Variants in DNAH12 observed in about 807,000 individuals in gnomAD.
The protein encoded by DNAH12 is axonemal beta dynein heavy chain 12.
In DNAH12, 285 loss-of-function variants were observed where a neutral mutation model predicts 371.5. The observed-to-expected ratio is 0.77, with a 90% confidence interval of 0.70 to 0.85. DNAH12 has a LOEUF of 0.85. Ranked by LOEUF, DNAH12 falls within the 40% of genes least tolerant of loss-of-function variation. The pLI is 0.00. For synonymous variants in DNAH12, 1,200 were observed against 1,213.0 expected (o/e 0.99, Z 0.22); for missense variants, 3,611 against 3,689.4 (o/e 0.98, Z 0.55).
At position 57,310,841 on chromosome 3, in the gene DNAH12, A is replaced by G. The variant is rs1488293636; in HGVS notation, c.10772T>C (p.Leu3591Ser). 1 of 1,551,668 alleles carries G rather than the reference A, an allele frequency of 6.4e-7. No homozygotes were observed. The highest frequency in any genetic ancestry group is 1.4e-5 in the African/African-American group (1 of 73,190). Reference protein sequence around the residue: ...VTDDWDRRLLLTMLADFYNLY... With the variant: ...VTDDWDRRLLSTMLADFYNLY... ...ATTATAAAAGTCAGCCAGCATGGTT[A>G]ATAGAAGACGTCTGTCCCAATCGTC... Residue 3591 changes from leucine (L) to serine (S), a missense_variant, in exon 67 of 74, where the codon TTA (leucine) becomes TCA (serine). Coordinates refer to ENST00000495027, the MANE Select transcript of DNAH12 (RefSeq NM_001366028.2).
chr3:57,445,197 G>A lies in DNAH12; in HGVS notation c.4402C>T (p.Pro1468Ser). ...VAAGNLKLKY[P>S]NENEDILLLR... ...ACAAGTATATCTTCATTTTCATTTG[G>A]GTATTTTAGTTTTAGATTGCCAGCA... The change falls in exon 28 of 74, where the codon CCA (proline) becomes TCA (serine). Residue 1468 changes from proline (P) to serine (S), a missense_variant. Transcript: ENST00000495027. 1.3e-6 allele frequency: 2 copies of A among 1,544,734 alleles called. No individual in the cohort carries two copies. The highest frequency in any genetic ancestry group is 2.0e-5 in the Admixed American group (1 of 50,110).
At chr3:57,412,805 T>C (rs2064247883) in intron 39 of DNAH12, among the ~76,000 whole-genome samples, 2 of 152,134 alleles carry the variant, frequency 1.3e-5, no homozygotes, top group African/African-American at 4.8e-5. Flanking sequence ...AGAGAAGACG[T>C]GGAGCAACAC....
intron 12 of DNAH12, among the ~76,000 whole-genome samples, chr3:57,489,196 A>G (rs2067034882): frequency 6.6e-6 from 1 of 152,188 alleles, no homozygotes; most frequent in African/African-American, 2.4e-5. Context: ...GAGGTCAGGG[A>G]TGATCCCAGA....
Position 57,323,546 on chromosome 3 carries a change from A to G in DNAH12, c.10052T>C (p.Leu3351Ser). ...KKFVEPPPFDLTKSYLDSNCT... is the reference protein window; with the variant it reads ...KKFVEPPPFDSTKSYLDSNCT... ...ATTTGAATCCAAGTAACTCTTTGTC[A>G]AATCAAATGGTGGAGGCTCTACAAA... is the stretch of plus-strand genomic sequence containing the variant. Residue 3351 changes from leucine (L) to serine (S), a missense_variant, in exon 63 of 74, where the codon TTG becomes TCG. Physicochemically the swap from Leu to Ser is moderately radical, Grantham distance 145. Coordinates refer to ENST00000495027, the MANE Select transcript of DNAH12 (RefSeq NM_001366028.2). The G allele has an allele frequency of 6.4e-7, 1 of 1,551,122 alleles. No homozygotes were observed. The highest frequency in any genetic ancestry group is 1.2e-5 in the South Asian group (1 of 83,874).
chr3:57,373,324 T>C (rs2153338024), intron 55 of DNAH12, among the ~76,000 whole-genome samples: 1 of 151,846 alleles, frequency 6.6e-6, no homozygotes, highest in Admixed American at 6.6e-5. Flanking sequence ...ACTGATTTTT[T>C]TTTTTTTTTG....
At position 57,438,918 on chromosome 3, in the gene DNAH12, C is replaced by CGAAAAAAAAAAAAAAAAAAAAAAAAA. The variant is rs562343761; in HGVS notation, c.4546-1859_4546-1858insTTTTTTTTTTTTTTTTTTTTTTTTTC. Among the ~76,000 whole-genome samples the CGAAAAAAAAAAAAAAAAAAAAAAAAA allele has an allele frequency of 1.8e-4, 17 of 94,530 alleles. 5 individuals are homozygous for CGAAAAAAAAAAAAAAAAAAAAAAAAA. The highest frequency in any genetic ancestry group is 2.4e-4 in the African/African-American group (6 of 24,946). The allele number at this position is 94,530 out of a possible 152,430, so 62.0% of individuals were successfully genotyped here. A position where few individuals can be genotyped will look rare whatever the true frequency, so the allele number is the denominator to read the frequency against. ...CAACAGAGTGAAACTCTGTCTCAGA[C>CGAAAAAAAAAAAAAAAAAAAAAAAAA]AAAAAAAAAAAAAAGGAAAGCAACT... On this transcript the variant is annotated intron_variant, in intron 29 of 73. Coordinates refer to ENST00000495027, the MANE Select transcript of DNAH12 (RefSeq NM_001366028.2).
upstream of DNAH12, among the ~76,000 whole-genome samples, chr3:57,546,634 A>T (rs2069579560): frequency 6.6e-6 from 1 of 152,226 alleles, no homozygotes; most frequent in Admixed American, 6.5e-5. Flanking sequence ...ATGAGCCACC[A>T]TATCTAGCCT....
In DNAH12 at chr3:57,446,196, C is replaced by CT; in HGVS notation, c.4013_4014insA (p.Ser1339ValfsTer24). ...AAAGGATCTGTTGAGCTACCACTGA[C>CT]AACACTTCCAACTCAATTCGATTGA... On this transcript the variant is annotated frameshift_variant, in exon 27 of 74. Coordinates refer to ENST00000495027, the MANE Select transcript of DNAH12 (RefSeq NM_001366028.2). LOFTEE classifies it high-confidence loss of function. The CT allele has an allele frequency of 1.3e-6, 2 of 1,551,744 alleles. No individual in the cohort carries two copies.
the DNAH12 span, among the ~76,000 whole-genome samples, chr3:57,550,432 T>C: frequency 2.6e-5 from 4 of 152,328 alleles, no homozygotes; most frequent in African/African-American, 9.6e-5. Context: ...CATAAGCCTT[T>C]TATAACCTCT....
chr3:57,301,648 G>C (rs1575418432), intron 70 of DNAH12, 87 bp downstream of exon 70: 2 of 1,460,968 alleles, frequency 1.4e-6, no homozygotes, highest in African/African-American at 2.9e-5. Flanking sequence ...ACATGTGTCT[G>C]TATATTTTAC....
chr3:57,434,186 T>A (rs1259267894), intron 30 of DNAH12, among the ~76,000 whole-genome samples: 1 of 152,236 alleles, frequency 6.6e-6, no homozygotes, highest in Non-Finnish European at 1.5e-5. Context: ...TAGTGTTCTT[T>A]ACCAACTATT....
intron 29 of DNAH12, among the ~76,000 whole-genome samples, chr3:57,443,448 G>T (rs572420560): frequency 1.3e-5 from 2 of 152,084 alleles, no homozygotes; most frequent in African/African-American, 4.8e-5. Context: ...TTTCTATAAC[G>T]GCTATAAGCA....
chr3:57,525,370 A>G (rs1430988935), intron 2 of DNAH12, among the ~76,000 whole-genome samples: 2 of 152,162 alleles, frequency 1.3e-5, no homozygotes, highest in African/African-American at 4.8e-5. Context: ...GATCTTGCAT[A>G]TCTAGTTTGG....
rs184893113 is a variant in DNAH12, at chr3:57,409,029, G to A, written c.6021-494C>T. ...ATATACTAAAACTGGTTATAGCAAT[G>A]TCCTGATTTTTTCTCATCTCAAACT... On this transcript the variant is annotated intron_variant, in intron 39 of 73. Transcript: ENST00000495027. Among the ~76,000 whole-genome samples the A allele has an allele frequency of 6.6e-4, 100 of 152,268 alleles. 1 individual carries two copies. Among genetic ancestry groups the A allele is most frequent in the Middle Eastern group, 3.4e-3 (1 of 294 alleles).
At chr3:57,406,492 C>T (rs376849120) in intron 40 of DNAH12, among the ~76,000 whole-genome samples, 7 of 152,220 alleles carry the variant, frequency 4.6e-5, no homozygotes, top group African/African-American at 9.6e-5. Flanking sequence ...ACTTAATATC[C>T]GATTCCATCC....
chr3:57,307,739 A>C (rs982975498), intron 69 of DNAH12, among the ~76,000 whole-genome samples: 1 of 152,106 alleles, frequency 6.6e-6, no homozygotes, highest in African/African-American at 2.4e-5. Context: ...CTGGCCTCCC[A>C]CATTATTCCT....
chr3:57,301,771 G>A lies in DNAH12; in HGVS notation c.11358C>T (p.Tyr3786=), dbSNP rs199748125. 23 of 1,550,470 alleles carry A rather than the reference G, an allele frequency of 1.5e-5. No homozygotes were observed. Among genetic ancestry groups the A allele is most frequent in the Non-Finnish European group, 1.8e-5 (21 of 1,146,834 alleles). The change falls in exon 70 of 74, where the codon TAC becomes TAT. Residue 3786 remains tyrosine (Y), a synonymous_variant. Transcript: ENST00000495027. The stretch of plus-strand genomic sequence containing the variant: ...TCAACCGGGCTAGGAAATCTGTGAT[G>A]TAACTTCCCAGGGGCTTAAGGCTTG... ...SYPSLKPLGS[Y]ITDFLARLNF...
rs904970190 is a variant in DNAH12, at chr3:57,369,954, C to T, written c.8760-1694G>A. Among the ~76,000 whole-genome samples the T allele has an allele frequency of 7.0e-4, 107 of 152,190 alleles. 1 individual carries two copies. The East Asian group carries it at 0.021, about 29-fold the overall frequency. On this transcript the variant is annotated intron_variant, in intron 55 of 73. Transcript: ENST00000495027. ...TATTTAATATAACCTTATGTGAATA[C>T]TGGAAAATTGGATTGTTGTGTCCAT... is the stretch of plus-strand genomic sequence containing the variant.
intron 11 of DNAH12, among the ~76,000 whole-genome samples, chr3:57,499,665 T>C (rs1292796828): frequency 1.6e-4 from 8 of 51,190 alleles, no homozygotes; most frequent in South Asian, 9.3e-4. Context: ...TATATATATA[T>C]ATATATATAT....
Sources: gnomAD v4.1 joint callset for allele counts (sites outside exome capture counted in the v4.1 genomes callset) on GRCh38, gnomAD v4.1.1 for gene constraint, MANE v1.5 for transcripts, NCBI Gene and HGNC (gene_info 2026-07-23, HGNC 2026-07-21) for gene names.